The following ALK variants were observed in gnomAD, a reference collection of about 807,000 sequenced individuals.
ALK encodes ALK receptor tyrosine kinase.
Under a neutral mutation model 163.1 loss-of-function variants are expected in ALK, and 74 were observed. The ratio of observed to expected loss-of-function variants is 0.45; its 90% CI spans 0.38 to 0.55. The LOEUF (loss-of-function observed/expected upper bound fraction) is 0.55. ALK is among the 20% of genes least tolerant of loss of function. The probability of loss-of-function intolerance (pLI) is 0.00; values close to 1 mark genes in which losing one functional copy is unlikely to be tolerated. For synonymous variants in ALK, 960 were observed against 843.2 expected, an observed-to-expected ratio of 1.14 and a Z score of -2.40; for missense variants, 2,063 against 2,105.3, an observed-to-expected ratio of 0.98 and a Z score of 0.39.
rs182315076 is a variant in ALK at position 29,504,831 on chromosome 2, C to T, written c.1154+27084G>A. On this transcript the variant is annotated intron_variant, in intron 4 of 28. Transcript: ENST00000389048. ...TATTAGGTTGGTCCAAATGTTATTG[C>T]GGTTTTTGCCATTACTTCCAACGGG... 2.1e-3 allele frequency among the ~76,000 whole-genome samples: 320 copies of T among 152,270 alleles called. 1 individual carries two copies. The highest frequency in any genetic ancestry group is 3.4e-3 in the Middle Eastern group (1 of 294).
At chr2:29,281,020 A>C (rs1002864992) in intron 9 of ALK, among the ~76,000 whole-genome samples, 1 of 149,398 alleles carries the variant, frequency 6.7e-6, no homozygotes, top group Admixed American at 6.6e-5. Flanking sequence ...GGGATTGAAG[A>C]AAAGTTCTGG....
chr2:29,545,532 C>T (rs889477515), intron 3 of ALK, among the ~76,000 whole-genome samples: 1 of 152,142 alleles, frequency 6.6e-6, no homozygotes, highest in African/African-American at 2.4e-5. Context: ...TCATTTGGTC[C>T]AACCTGTTCA....
chr2:29,876,798 ATGG>A (rs1469635146), intron 1 of ALK, among the ~76,000 whole-genome samples: 8 of 151,854 alleles, frequency 5.3e-5, no homozygotes, highest in African/African-American at 1.9e-4. Flanking sequence ...GATAATGATG[ATGG>A]TGGTGTTGGG....
intron 3 of ALK, among the ~76,000 whole-genome samples, chr2:29,677,272 TCC>T (rs1677908871): frequency 2.2e-5 from 1 of 45,752 alleles, no homozygotes; most frequent in Non-Finnish European, 4.3e-5. Context: ...TCCCCTCCCC[TCC>T]CATCCCCTCC....
intron 1 of ALK, among the ~76,000 whole-genome samples, chr2:29,756,847 G>T (rs1680548984): frequency 6.6e-6 from 1 of 152,142 alleles, no homozygotes; most frequent in African/African-American, 2.4e-5. Context: ...TCAAATATGT[G>T]CCAGTCACTG....
chr2:29,665,142 A>G (rs965868961), intron 3 of ALK, among the ~76,000 whole-genome samples: 2 of 151,264 alleles, frequency 1.3e-5, no homozygotes, highest in Admixed American at 6.6e-5. Context: ...CTGTGACATT[A>G]TGCTTGGATA....
intron 1 of ALK, among the ~76,000 whole-genome samples, chr2:29,758,642 TC>T: frequency 6.6e-6 from 1 of 152,198 alleles, no homozygotes; most frequent in African/African-American, 2.4e-5. Context: ...CCCTCCTCCC[TC>T]CCCAGGCACT....
chr2:29,571,702 C>T (rs941351551), intron 3 of ALK, among the ~76,000 whole-genome samples: 6 of 145,066 alleles, frequency 4.1e-5, no homozygotes, highest in South Asian at 2.2e-4. Context: ...CTGCAACCTC[C>T]GTCTCCTGGG....
intron 1 of ALK, among the ~76,000 whole-genome samples, chr2:29,844,703 C>T (rs1246976125): frequency 2.6e-5 from 4 of 152,084 alleles, no homozygotes; most frequent in East Asian, 1.9e-4. Context: ...ATTCATGAGC[C>T]GAAAACCAAC....
At chr2:29,652,243 C>A (rs1438601888) in intron 3 of ALK, among the ~76,000 whole-genome samples, 1 of 152,004 alleles carries the variant, frequency 6.6e-6, no homozygotes, top group African/African-American at 2.4e-5. Context: ...TATCATAACT[C>A]CCCAGGCATT....
chr2:29,885,184 T>C (rs544460345), intron 1 of ALK, among the ~76,000 whole-genome samples: 2 of 152,268 alleles, frequency 1.3e-5, no homozygotes, highest in East Asian at 1.9e-4. Context: ...ATTTTGATAT[T>C]GGATAATGCC....
chr2:29,717,529 T>G (rs1679296949), intron 2 of ALK, 49 bp downstream of exon 2: 1 of 1,606,552 alleles, frequency 6.2e-7, no homozygotes, highest in Non-Finnish European at 8.5e-7. Context: ...GAGTCCTTAT[T>G]ATGAGATAGT....
At chr2:29,912,324 A>G (rs1177512532) in intron 1 of ALK, among the ~76,000 whole-genome samples, 1 of 152,176 alleles carries the variant, frequency 6.6e-6, no homozygotes, top group Non-Finnish European at 1.5e-5. Context: ...GAAAACCAAA[A>G]GCCAAGAAAA....
intron 2 of ALK, among the ~76,000 whole-genome samples, chr2:29,696,530 T>TAAAAAAAAAAAAAAAAAAA (rs60320646): frequency 1.9e-5 from 2 of 103,850 alleles, no homozygotes; most frequent in African/African-American, 3.6e-5. Flanking sequence ...CTTAAAGGAT[T>TAAAAAAAAAAAAAAAAAAA]AAAAAAAAAA....
At chr2:29,199,274 C>T (rs1181922336) in intron 26 of ALK, among the ~76,000 whole-genome samples, 1 of 152,124 alleles carries the variant, frequency 6.6e-6, no homozygotes, top group Non-Finnish European at 1.5e-5. Flanking sequence ...TCTAATGCTA[C>T]TTTTTAGCAT....
At chr2:29,824,454 T>C (rs1558504788) in intron 1 of ALK, among the ~76,000 whole-genome samples, 1 of 152,168 alleles carries the variant, frequency 6.6e-6, no homozygotes, top group Admixed American at 6.5e-5. Flanking sequence ...AGACACTCAA[T>C]GCCAGCTAGT....
chr2:29,224,626 T>A (rs543473414), intron 19 of ALK: 1 of 226,768 alleles, frequency 4.4e-6, no homozygotes, highest in East Asian at 6.3e-5. Flanking sequence ...ACCCGCTATG[T>A]GCTCAGTTCC....
intron 4 of ALK, among the ~76,000 whole-genome samples, chr2:29,455,765 T>C (rs1185622933): frequency 6.6e-6 from 1 of 152,226 alleles, no homozygotes; most frequent in Non-Finnish European, 1.5e-5. Flanking sequence ...CTGCACAGAC[T>C]GAAGTTCTGG....
rs116516794 is a variant in ALK at position 29,301,808 on chromosome 2, C to T, written c.1648-4751G>A. On this transcript the variant is annotated intron_variant, in intron 8 of 28. Coordinates refer to ENST00000389048, the MANE Select transcript of ALK (RefSeq NM_004304.5). ...GTTCTGTGTTTTAGGCCAATCAGGCCGGGCAAAAGAGAGAGAACTGGACTG... is the reference window on the plus strand; with the variant it reads ...GTTCTGTGTTTTAGGCCAATCAGGCTGGGCAAAAGAGAGAGAACTGGACTG... Among the ~76,000 whole-genome samples the T allele has an allele frequency of 3.8e-3, 576 of 152,280 alleles. 8 individuals carry two copies. The highest frequency in any genetic ancestry group is 0.013 in the African/African-American group (531 of 41,546).
Sources: gnomAD v4.1 joint callset for allele counts (sites outside exome capture counted in the v4.1 genomes callset) on GRCh38, gnomAD v4.1.1 for gene constraint, MANE v1.5 for transcripts, NCBI Gene and HGNC (gene_info 2026-07-23, HGNC 2026-07-21) for gene names.